SDC2: variants seen among roughly 807,000 people sequenced by gnomAD.
SDC2 encodes the protein syndecan-2.
A neutral mutation model predicts 22.2 loss-of-function variants in SDC2; 13 were observed. The observed-to-expected ratio is 0.59, with a 90% confidence interval of 0.38 to 0.93. SDC2 has a LOEUF of 0.93. Among genes scored for constraint, SDC2 ranks in the 40% least tolerant of loss-of-function variants. The pLI is 0.00. For missense variants in SDC2, 235 were observed against 246.8 expected, an observed-to-expected ratio of 0.95 and a Z score of 0.32; for synonymous variants, 94 against 92.8, an observed-to-expected ratio of 1.01 and a Z score of -0.07.
intron 1 of SDC2, among the ~76,000 whole-genome samples, chr8:96,555,862 CTTTG>C (rs1041190698): frequency 7.2e-5 from 11 of 152,234 alleles, no homozygotes; most frequent in African/African-American, 2.2e-4. Context: ...TTTTAAACTT[CTTTG>C]TTTGTTTCAG....
At chr8:96,561,928 T>A (rs1428339137) in intron 1 of SDC2, among the ~76,000 whole-genome samples, 2 of 152,226 alleles carry the variant, frequency 1.3e-5, no homozygotes, top group Non-Finnish European at 2.9e-5. Flanking sequence ...TCCAAATATT[T>A]TTTCCTAGTC....
intron 1 of SDC2, among the ~76,000 whole-genome samples, chr8:96,517,733 ATATG>A (rs1213306273): frequency 2.1e-5 from 3 of 144,474 alleles, no homozygotes; most frequent in Non-Finnish European, 4.5e-5. Flanking sequence ...TTGTATGTAT[ATATG>A]TGTGTGCATA....
At chr8:96,544,427 C>T (rs1458982636) in intron 1 of SDC2, among the ~76,000 whole-genome samples, 2 of 152,122 alleles carry the variant, frequency 1.3e-5, no homozygotes, top group African/African-American at 4.8e-5. Context: ...TCTATTCTAA[C>T]CTCCACTTAA....
chr8:96,533,274 T>C (rs1446684711), intron 1 of SDC2, among the ~76,000 whole-genome samples: 1 of 152,190 alleles, frequency 6.6e-6, no homozygotes, highest in African/African-American at 2.4e-5. Context: ...GGCAGCTTGC[T>C]TTTATTCTCT....
chr8:96,538,842 T>TC (rs11423582), intron 1 of SDC2: 87,172 of 152,062 alleles, frequency 0.57, 26,634 homozygotes, highest in Non-Finnish European at 0.7. Flanking sequence ...CCGTATTGAG[T>TC]CAGCCTTACC....
chr8:96,507,113 G>C (rs1813253831), intron 1 of SDC2, among the ~76,000 whole-genome samples: 1 of 151,226 alleles, frequency 6.6e-6, no homozygotes, highest in Admixed American at 6.6e-5. Context: ...TTTAGTTTTT[G>C]TAACAACGGA....
intron 2 of SDC2, among the ~76,000 whole-genome samples, chr8:96,594,798 A>G (rs1814844904): frequency 6.6e-6 from 1 of 152,220 alleles, no homozygotes; most frequent in Non-Finnish European, 1.5e-5. Flanking sequence ...GTCATGGCAG[A>G]AGGGGAAACA....
rs538896744 is a variant in SDC2 at position 96,534,877 on chromosome 8, C to G, written c.60+40546C>G. On this transcript the variant is annotated intron_variant, in intron 1 of 4. Coordinates refer to ENST00000302190, the MANE Select transcript of SDC2 (RefSeq NM_002998.4). Reference sequence around the variant, plus strand: ...TCTTTGCTACCCTTGCTCACCATTACAATTCAAAGCCTCACTGTTCTTGCT... The same window carrying G: ...TCTTTGCTACCCTTGCTCACCATTAGAATTCAAAGCCTCACTGTTCTTGCT... Among the ~76,000 whole-genome samples the G allele has an allele frequency of 4.6e-5, 7 of 152,328 alleles. No homozygotes were observed. In the East Asian group the frequency reaches 1.2e-3, roughly 25 times the overall value.
At chr8:96,583,772 G>A (rs1033726966) in intron 1 of SDC2, among the ~76,000 whole-genome samples, 12 of 151,278 alleles carry the variant, frequency 7.9e-5, no homozygotes, top group African/African-American at 2.9e-4. Context: ...AAAAATTAAT[G>A]TATGCTTTTT....
At chr8:96,531,117 C>T (rs532227471) in intron 1 of SDC2, among the ~76,000 whole-genome samples, 1 of 152,334 alleles carries the variant, frequency 6.6e-6, no homozygotes, top group Admixed American at 6.5e-5. Flanking sequence ...TGTGATCTAA[C>T]CCAACCCTGC....
At chr8:96,575,010 C>T (rs985985493) in intron 1 of SDC2, among the ~76,000 whole-genome samples, 8 of 152,120 alleles carry the variant, frequency 5.3e-5, no homozygotes, top group Admixed American at 2.6e-4. Context: ...GGTTCGTGCT[C>T]CTATGAGAAT....
intron 1 of SDC2, among the ~76,000 whole-genome samples, chr8:96,510,807 G>A (rs1261350224): frequency 6.6e-6 from 1 of 152,198 alleles, no homozygotes; most frequent in Non-Finnish European, 1.5e-5. Flanking sequence ...TGGGGTTAAA[G>A]TGTCTTTACA....
In SDC2 at chr8:96,576,368, G is replaced by GTTTTTTTTTTTTTTTTTTT. The variant is rs1481198542; in HGVS notation, c.61-17107_61-17106insTTTTTTTTTTTTTTTTTTT. Reference sequence around the variant, plus strand: ...ACATAAGTTCAATAATTGGTAGTTTGTTTTTGTTTTGTTTTGTTTTTTTTT... The same window carrying GTTTTTTTTTTTTTTTTTTT: ...ACATAAGTTCAATAATTGGTAGTTTGTTTTTTTTTTTTTTTTTTTTTTTTGTTTTGTTTTGTTTTTTTTT... On this transcript the variant is annotated intron_variant, in intron 1 of 4. Coordinates refer to ENST00000302190, the MANE Select transcript of SDC2 (RefSeq NM_002998.4). Among the ~76,000 whole-genome samples the GTTTTTTTTTTTTTTTTTTT allele has an allele frequency of 1.1e-3, 19 of 16,606 alleles. 4 individuals are homozygous for GTTTTTTTTTTTTTTTTTTT. Among genetic ancestry groups the GTTTTTTTTTTTTTTTTTTT allele is most frequent in the African/African-American group, 2.4e-3 (19 of 8,012 alleles). The allele number at this position is 16,606 out of a possible 152,430, so 10.9% of individuals were successfully genotyped here.
chr8:96,598,526 G>T (rs756834756), intron 2 of SDC2, among the ~76,000 whole-genome samples: 17 of 152,122 alleles, frequency 1.1e-4, no homozygotes, highest in Non-Finnish European at 2.4e-4. Context: ...GCTGAGTCAG[G>T]AGAATCGCTT....
chr8:96,527,162 C>G (rs1300473878), intron 1 of SDC2, among the ~76,000 whole-genome samples: 1 of 152,156 alleles, frequency 6.6e-6, no homozygotes, highest in Non-Finnish European at 1.5e-5. Context: ...AGGGCAGGCA[C>G]GTTCTGCCTA....
chr8:96,558,515 C>T (rs1215378855), intron 1 of SDC2, among the ~76,000 whole-genome samples: 1 of 152,064 alleles, frequency 6.6e-6, no homozygotes, highest in Non-Finnish European at 1.5e-5. Flanking sequence ...AATGTCTATA[C>T]CTAGTAAGTG....
rs1814639702 is a variant in SDC2 at position 96,584,001 on chromosome 8, CT to C, written c.61-9478del. ...GGATAATTCCTGGGAGAAGAAACAT[CT>C]GGTCAAATAGTATAAAAGATTTCAT... On this transcript the variant is annotated intron_variant, in intron 1 of 4. Transcript: ENST00000302190. Among the ~76,000 whole-genome samples, 3 of 152,246 alleles carry C rather than the reference CT, an allele frequency of 2.0e-5. No individual in the cohort carries two copies. The South Asian group carries it at 6.2e-4, about 32-fold the overall frequency.
rs576824493 is a variant in SDC2 at position 96,510,530 on chromosome 8, G to C, written c.60+16199G>C. On this transcript the variant is annotated intron_variant, in intron 1 of 4. Transcript: ENST00000302190. ...TAAAACACACAATTTGAATAAAAGG[G>C]TCTATCTTTAATTGACTCAGGGAAC... 3.2e-4 allele frequency among the ~76,000 whole-genome samples: 49 copies of C among 152,264 alleles called. No homozygotes were observed. The South Asian group carries it at 5.8e-3, about 18-fold the overall frequency.
At chr8:96,601,585 G>T (rs1814986199) in intron 2 of SDC2, among the ~76,000 whole-genome samples, 1 of 145,070 alleles carries the variant, frequency 6.9e-6, no homozygotes, top group African/African-American at 2.6e-5. Flanking sequence ...AGGTTGCAGT[G>T]AGCCCAGATT....
Sources: gnomAD v4.1 joint callset for allele counts (sites outside exome capture counted in the v4.1 genomes callset) on GRCh38, gnomAD v4.1.1 for gene constraint, MANE v1.5 for transcripts, NCBI Gene and HGNC (gene_info 2026-07-23, HGNC 2026-07-21) for gene names.